The following KCTD17 variants were observed in gnomAD, a reference collection of about 807,000 sequenced individuals.
The protein encoded by KCTD17 is potassium channel tetramerization domain containing 17.
A neutral mutation model predicts 41.5 loss-of-function variants in KCTD17; 20 were observed. The ratio of observed to expected loss-of-function variants is 0.48; its 90% confidence interval spans 0.34 to 0.70. The LOEUF is 0.70. Among genes scored for constraint, KCTD17 ranks in the 30% least tolerant of loss-of-function variants. The pLI is 0.01. For missense variants in KCTD17, 317 were observed against 427.2 expected (o/e 0.74, Z 2.27); for synonymous variants, 156 against 173.8 (o/e 0.90, Z 0.80).
chr22:37,062,446 T>G, intron 8 of KCTD17, 79 bp from the exon 9 acceptor site: 3 of 747,964 alleles, frequency 4.0e-6, no homozygotes, highest in Non-Finnish European at 3.3e-6. Context: ...CTCCGCCCCC[T>G]TGCCCTGCAT....
intron 1 of KCTD17, 66 bp downstream of exon 1, chr22:37,052,015 G>C: frequency 7.7e-7 from 1 of 1,292,936 alleles, no homozygotes; most frequent in Non-Finnish European, 9.8e-7. Context: ...CGGGGCTGTC[G>C]GGCCTGGCTC....
rs1269062748 is a variant in KCTD17 at position 37,052,330 on chromosome 22, G to C, written c.189+381G>C. The C allele has an allele frequency of 1.8e-4, 64 of 356,684 alleles. 1 individual carries two copies. Among genetic ancestry groups the C allele is most frequent in the South Asian group, 1.3e-3 (63 of 46,804 alleles). The allele number at this position is 356,684 out of a possible 1,614,324, so 22.1% of individuals were successfully genotyped here. A position where few individuals can be genotyped will look rare whatever the true frequency, so the allele number is the denominator to read the frequency against. ...TCCCGCTCTTTGGGATGTGGGTGGCGGAGGGGTGCAGGGAGCTAGCTGGAT... is the reference window on the plus strand; with the variant it reads ...TCCCGCTCTTTGGGATGTGGGTGGCCGAGGGGTGCAGGGAGCTAGCTGGAT... On this transcript the variant is annotated intron_variant, in intron 1 of 8. Coordinates refer to ENST00000403888, the MANE Select transcript of KCTD17 (RefSeq NM_001282684.2).
chr22:37,059,868 C>A (rs1925573719), intron 5 of KCTD17, among the ~76,000 whole-genome samples: 1 of 152,194 alleles, frequency 6.6e-6, no homozygotes, highest in Non-Finnish European at 1.5e-5. Flanking sequence ...TTCTGGGATC[C>A]CAAATGGCCG....
chr22:37,053,332 C>A lies in KCTD17; in HGVS notation c.298+124C>A. On this transcript the variant is annotated intron_variant, in intron 2 of 8. Coordinates refer to ENST00000403888, the MANE Select transcript of KCTD17 (RefSeq NM_001282684.2). This position sits in a 1 kb window ranked among gnomAD's most constrained non-coding sequence, Gnocchi z 4.1. ...TGCTTGGTTGTTTCCTGCCTCTTCC[C>A]AGTCGGACGGGGCTGATTCCCAAGC... 1.4e-6 allele frequency: 1 copy of A among 734,550 alleles called. No homozygotes were observed. The highest frequency in any genetic ancestry group is 2.3e-6 in the Non-Finnish European group (1 of 433,162). 45.5% of individuals were successfully genotyped at this position (734,550 alleles called of 1,614,324 possible).
chr22:37,062,028 C>T (rs1008335885), intron 8 of KCTD17: 31 of 985,106 alleles, frequency 3.1e-5, no homozygotes, highest in African/African-American at 2.3e-4. Context: ...CAGAAAAAGC[C>T]CTGGCCATGT....
At chr22:37,062,170 G>T (rs1925871130) in intron 8 of KCTD17, 2 of 985,214 alleles carry the variant, frequency 2.0e-6, no homozygotes, top group Admixed American at 6.1e-5. Context: ...TTCGCCTGGG[G>T]CATCAGTGCC....
intron 2 of KCTD17, chr22:37,054,974 T>A (rs1924926001): frequency 6.6e-6 from 1 of 152,212 alleles, no homozygotes; most frequent in African/African-American, 2.4e-5. Context: ...CTCTTGGTCC[T>A]AGAGGCTAGA....
In KCTD17 at chr22:37,053,242, T is replaced by C; in HGVS notation, c.298+34T>C. The stretch of plus-strand genomic sequence containing the variant: ...GTCCAGGGGGCTGGCCTGGACCTTA[T>C]GCAGCCTGCCAGGGCCCTCTGTGGA... On this transcript the variant is annotated intron_variant, in intron 2 of 8. Transcript: ENST00000403888. The surrounding 1 kb of genome is among the most constrained non-coding windows in gnomAD (Gnocchi z 4.1). 3 of 1,509,688 alleles carry C rather than the reference T, an allele frequency of 2.0e-6. No homozygotes were observed. Among genetic ancestry groups the C allele is most frequent in the Non-Finnish European group, 2.7e-6 (3 of 1,105,574 alleles). The allele number at this position is 1,509,688 out of a possible 1,614,324, so 93.5% of individuals were successfully genotyped here.
intron 3 of KCTD17, among the ~76,000 whole-genome samples, chr22:37,056,852 G>A (rs1237235757): frequency 6.6e-6 from 1 of 152,182 alleles, no homozygotes; most frequent in East Asian, 1.9e-4. Context: ...GGCTGTTGGG[G>A]CTGGCGTTTG....
Position 37,061,530 on chromosome 22 carries a change from T to C in KCTD17, c.785-9T>C. 6.2e-7 allele frequency: 1 copy of C among 1,600,496 alleles called. No homozygotes were observed. Among genetic ancestry groups the C allele is most frequent in the African/African-American group, 1.3e-5 (1 of 75,002 alleles). ...CTCCCGGCCTCCTCCTCACGTTTCC[T>C]CCTTGCAGGTTCCCGTCCGCACCCT... On this transcript the variant is annotated splice_polypyrimidine_tract_variant and intron_variant, in intron 7 of 8. Coordinates refer to ENST00000403888, the MANE Select transcript of KCTD17 (RefSeq NM_001282684.2). This position sits in a 1 kb window ranked among gnomAD's most constrained non-coding sequence, Gnocchi z 6.6.
rs1362233629 is a variant in KCTD17, at chr22:37,053,459, A to G, written c.298+251A>G. ...GAGACACATGTGCAGGGGATAGAGG[A>G]AGTCAGCGAGGCCCTGTGGCCTCTG... On this transcript the variant is annotated intron_variant, in intron 2 of 8. Transcript: ENST00000403888. This position sits in a 1 kb window ranked among gnomAD's most constrained non-coding sequence, Gnocchi z 4.1. Among the ~76,000 whole-genome samples the G allele has an allele frequency of 1.3e-5, 2 of 152,208 alleles. No individual in the cohort carries two copies. Among genetic ancestry groups the G allele is most frequent in the African/African-American group, 2.4e-5 (1 of 41,452 alleles).
intron 3 of KCTD17, 70 bp downstream of exon 3, chr22:37,056,481 C>T (rs1193673034): frequency 5.3e-6 from 7 of 1,329,582 alleles, no homozygotes; most frequent in African/African-American, 2.9e-5. Flanking sequence ...AGAGACGGGG[C>T]GGGAAGCAGA....
intron 1 of KCTD17, 159 bp downstream of exon 1, chr22:37,052,108 G>T: frequency 2.3e-6 from 2 of 870,114 alleles, no homozygotes; most frequent in Non-Finnish European, 3.1e-6. Context: ...GGAGGGGGAG[G>T]TGGGTCTGGT....
chr22:37,059,298 G>C lies in KCTD17; in HGVS notation c.487-15G>C. On this transcript the variant is annotated splice_polypyrimidine_tract_variant and intron_variant, in intron 4 of 8. Transcript: ENST00000403888. ...CACCAACCTGCATTTTTCTCCCCAT[G>C]CTCCGCCCCTCTAGCTGGTGAACAT... 6.2e-7 allele frequency: 1 copy of C among 1,611,316 alleles called. No individual in the cohort carries two copies. Among genetic ancestry groups the C allele is most frequent in the Non-Finnish European group, 8.5e-7 (1 of 1,179,818 alleles).
chr22:37,059,191 C>G, intron 4 of KCTD17, 122 bp from the exon 5 acceptor site: 6 of 1,407,678 alleles, frequency 4.3e-6, no homozygotes, highest in Non-Finnish European at 5.9e-6. Flanking sequence ...GGAGTGGGCC[C>G]GACAAGCCGC....
chr22:37,053,056 A>G lies in KCTD17; in HGVS notation c.190-44A>G. On this transcript the variant is annotated intron_variant, in intron 1 of 8. Coordinates refer to ENST00000403888, the MANE Select transcript of KCTD17 (RefSeq NM_001282684.2). The surrounding 1 kb of genome is among the most constrained non-coding windows in gnomAD (Gnocchi z 4.1). ...TGTGCGTGTGCGGGGTTGGCTGGGG[A>G]GAAGCCTCACTCTTCTCTCACCGAG... The G allele has an allele frequency of 6.8e-7, 1 of 1,469,484 alleles. No individual in the cohort carries two copies. The highest frequency in any genetic ancestry group is 9.3e-7 in the Non-Finnish European group (1 of 1,071,928). The allele number at this position is 1,469,484 out of a possible 1,614,324, so 91.0% of individuals were successfully genotyped here.
chr22:37,052,641 G>T (rs115352795), intron 1 of KCTD17: 4 of 470,796 alleles, frequency 8.5e-6, no homozygotes, highest in South Asian at 3.1e-5. Flanking sequence ...CTGTAGAGTC[G>T]CATGGAAGCC....
At chr22:37,054,714 C>T (rs1351230018) in intron 2 of KCTD17, among the ~76,000 whole-genome samples, 1 of 152,108 alleles carries the variant, frequency 6.6e-6, no homozygotes, top group Admixed American at 6.5e-5. Context: ...CAGCATGGAG[C>T]TCAGTTCCTG....
At chr22:37,057,799 G>A (rs111459900) in intron 4 of KCTD17, among the ~76,000 whole-genome samples, 1,563 of 152,332 alleles carry the variant, frequency 0.01, 43 homozygotes, top group African/African-American at 0.036. Context: ...TGTGGCCCCC[G>A]AAGGACAGCT....
Sources: gnomAD v4.1 joint callset for allele counts (sites outside exome capture counted in the v4.1 genomes callset) on GRCh38, gnomAD v4.1.1 for gene constraint, Gnocchi (gnomAD v3.1) non-coding constraint, MANE v1.5 for transcripts, NCBI Gene and HGNC (gene_info 2026-07-23, HGNC 2026-07-21) for gene names.